Variants in RBPJ observed in about 807,000 individuals in gnomAD.
The protein encoded by RBPJ is recombining binding protein suppressor of hairless.
RBPJ carries 9 observed loss-of-function variants against 67.8 expected under a neutral mutation model. That is an observed-to-expected ratio of 0.13 (90% confidence interval 0.08 to 0.23). The LOEUF (loss-of-function observed/expected upper bound fraction) is 0.23. Ranked by LOEUF, RBPJ falls within the 10% of genes least tolerant of loss-of-function variation. The pLI, the probability that RBPJ is intolerant of heterozygous loss-of-function variation, is 1.00. For missense variants in RBPJ, 305 were observed against 595.6 expected, an observed-to-expected ratio of 0.51 and a Z score of 5.08; for synonymous variants, 198 against 203.3, an observed-to-expected ratio of 0.97 and a Z score of 0.22.
intron 7 of RBPJ, chr4:26,428,474 A>AT (rs950635729): frequency 0.024 from 8,031 of 329,562 alleles, 20 homozygotes; most frequent in Middle Eastern, 0.034. Context: ...TGCCTGCCTG[A>AT]TTTTTTTTTT....
intron 1 of RBPJ, among the ~76,000 whole-genome samples, chr4:26,218,388 G>A (rs1718787985): frequency 6.6e-6 from 1 of 152,172 alleles, no homozygotes; most frequent in Non-Finnish European, 1.5e-5. Context: ...GAGACACCCT[G>A]ATGGGCACTG....
intron 1 of RBPJ, among the ~76,000 whole-genome samples, chr4:26,223,265 G>T (rs1311324520): frequency 4.6e-5 from 7 of 152,042 alleles, no homozygotes; most frequent in African/African-American, 1.7e-4. Flanking sequence ...TATGTGGGTT[G>T]TGCACTGAGG....
At chr4:26,235,294 A>G (rs1430483691) in intron 1 of RBPJ, among the ~76,000 whole-genome samples, 1 of 152,222 alleles carries the variant, frequency 6.6e-6, no homozygotes, top group Non-Finnish European at 1.5e-5. Flanking sequence ...ATCAAACATA[A>G]TGATTACAAC....
At position 26,211,489 on chromosome 4, in the gene RBPJ, A is replaced by G. The variant is rs186429694; in HGVS notation, c.-167+47875A>G. On this transcript the variant is annotated intron_variant, in intron 1 of 4. Coordinates refer to the RBPJ transcript ENST00000512351. ...ATATTTGAGATGTATTTCACATACC[A>G]TAGATTCACCTCTGTAAATAATTCA... Among the ~76,000 whole-genome samples the G allele has an allele frequency of 3.8e-3, 575 of 152,330 alleles. 5 individuals carry two copies. Among genetic ancestry groups the G allele is most frequent in the African/African-American group, 0.013 (555 of 41,566 alleles).
chr4:26,386,990 A>G (rs1029873629), intron 2 of RBPJ, among the ~76,000 whole-genome samples: 3 of 152,064 alleles, frequency 2.0e-5, no homozygotes, highest in Non-Finnish European at 4.4e-5. Context: ...CTTTCAAGAA[A>G]ATGAGATATA....
At chr4:26,248,369 CA>C (rs1719995583) in intron 1 of RBPJ, among the ~76,000 whole-genome samples, 2 of 152,154 alleles carry the variant, frequency 1.3e-5, no homozygotes, top group African/African-American at 4.8e-5. Context: ...TTAACTGACT[CA>C]TTTGGAATTT....
the RBPJ span, among the ~76,000 whole-genome samples, chr4:26,143,431 T>C: frequency 6.6e-6 from 1 of 152,196 alleles, no homozygotes; most frequent in African/African-American, 2.4e-5. Flanking sequence ...CAGGGCCCTG[T>C]GTTACTTGTA....
intron 1 of RBPJ, among the ~76,000 whole-genome samples, chr4:26,349,767 C>T (rs759833536): frequency 2.0e-5 from 3 of 152,188 alleles, no homozygotes; most frequent in African/African-American, 7.2e-5. Flanking sequence ...CATGGTTACT[C>T]TCTGTCTCAT....
intron 1 of RBPJ, among the ~76,000 whole-genome samples, chr4:26,365,111 A>T (rs1490078369): frequency 2.0e-5 from 3 of 151,026 alleles, no homozygotes; most frequent in Non-Finnish European, 2.9e-5. Flanking sequence ...ATAGATAATT[A>T]TATATATACA....
chr4:26,240,761 T>C lies in RBPJ; in HGVS notation c.-167+77147T>C, dbSNP rs188175274. Among the ~76,000 whole-genome samples, 7 of 152,264 alleles carry C rather than the reference T, an allele frequency of 4.6e-5. No homozygotes were observed. In the East Asian group the frequency reaches 1.4e-3, roughly 29 times the overall value. ...CTTCTTGAAATTTTCACACAGAAGA[T>C]GTGAAAAGGTTTTGGACTCTCAAAC... is the stretch of plus-strand genomic sequence containing the variant. On this transcript the variant is annotated intron_variant, in intron 1 of 4. Transcript: ENST00000512351.
chr4:26,231,380 C>A (rs1374010429), intron 1 of RBPJ, among the ~76,000 whole-genome samples: 1 of 149,486 alleles, frequency 6.7e-6, no homozygotes, highest in South Asian at 2.1e-4. Context: ...GTACCTAATA[C>A]TTTTTTTTTA....
At chr4:26,113,461 T>G in the RBPJ span, 960 of 550,480 alleles carry the variant, frequency 1.7e-3, 2 homozygotes, top group Non-Finnish European at 2.5e-3. Flanking sequence ...TTACCAACCA[T>G]CAGCAAACAC....
chr4:26,434,812 A>G lies in RBPJ; in HGVS notation c.*3805A>G, dbSNP rs1190656033. 6 of 152,388 alleles carry G rather than the reference A, an allele frequency of 3.9e-5. No homozygotes were observed. In the South Asian group the frequency reaches 1.2e-3, roughly 32 times the overall value. 9.4% of individuals were successfully genotyped at this position (152,388 alleles called of 1,614,324 possible). On this transcript the variant is annotated 3_prime_UTR_variant, in exon 11 of 11. Coordinates refer to ENST00000355476, the MANE Select transcript of RBPJ (RefSeq NM_015874.6). The stretch of plus-strand genomic sequence containing the variant: ...ATAGAAAATTGAGCAAGTTTATACC[A>G]TAATTTTGTAGAAAAAAAGAATCTG...
rs776779932 is a variant in RBPJ at position 26,424,780 on chromosome 4, T to C, written c.747+37T>C. 8.4e-7 allele frequency: 1 copy of C among 1,195,902 alleles called. No individual in the cohort carries two copies. Among genetic ancestry groups the C allele is most frequent in the Non-Finnish European group, 1.2e-6 (1 of 817,874 alleles). The allele number at this position is 1,195,902 out of a possible 1,614,324, so 74.1% of individuals were successfully genotyped here. On this transcript the variant is annotated intron_variant, in intron 7 of 10. Transcript: ENST00000355476. This position sits in a 1 kb window ranked among gnomAD's most constrained non-coding sequence, Gnocchi z 5.3. ...CTTTTGCTTTAGTGATAATGTGAAG[T>C]AAAAATTAATTTCTTAAACAGGAAA...
At chr4:26,294,063 G>GTTGTTT (rs145910389) in intron 1 of RBPJ, among the ~76,000 whole-genome samples, 5,576 of 147,666 alleles carry the variant, frequency 0.038, 148 homozygotes, top group Non-Finnish European at 0.054. Context: ...CGGCCAGGAA[G>GTTGTTT]TTGTTTTTGT....
At chr4:26,176,033 T>TTGTC (rs1716784475) in intron 1 of RBPJ, among the ~76,000 whole-genome samples, 2 of 152,234 alleles carry the variant, frequency 1.3e-5, no homozygotes, top group East Asian at 3.9e-4. Flanking sequence ...AAAAATAGGG[T>TTGTC]TGTCAGATAA....
chr4:26,141,939 A>C, the RBPJ span, among the ~76,000 whole-genome samples: 1 of 152,236 alleles, frequency 6.6e-6, no homozygotes, highest in Non-Finnish European at 1.5e-5. Context: ...GCTGTGCCGG[A>C]ATTTGCATGC....
chr4:26,392,570 T>C (rs1231231576), intron 2 of RBPJ, among the ~76,000 whole-genome samples: 1 of 152,194 alleles, frequency 6.6e-6, no homozygotes, highest in Admixed American at 6.5e-5. Flanking sequence ...GAAAAAAGAA[T>C]ACGTACTGAA....
At chr4:26,124,789 A>G in the RBPJ span, among the ~76,000 whole-genome samples, 1 of 152,256 alleles carries the variant, frequency 6.6e-6, no homozygotes, top group African/African-American at 2.4e-5. Flanking sequence ...TTACATCAGC[A>G]TTACCACAAA....
Sources: allele counts gnomAD v4.1 joint callset (sites outside exome capture counted in the v4.1 genomes callset), GRCh38; gene constraint gnomAD v4.1.1; non-coding constraint Gnocchi (gnomAD v3.1); transcripts MANE v1.5; gene names NCBI Gene and HGNC (gene_info 2026-07-23, HGNC 2026-07-21).